The following SKIC3 variants were observed in gnomAD, a reference collection of about 807,000 sequenced individuals.
The protein encoded by SKIC3 is superkiller complex protein 3.
the SKIC3 span, among the ~76,000 whole-genome samples, chr5:95,533,810 ACT>A: frequency 1.3e-5 from 2 of 152,098 alleles, no homozygotes; most frequent in African/African-American, 4.8e-5. Context: ...TATGTGCAAA[ACT>A]CTGTAGACTA....
the SKIC3 span, chr5:95,513,607 C>T: frequency 6.2e-7 from 1 of 1,613,760 alleles, no homozygotes; most frequent in Non-Finnish European, 8.5e-7. Flanking sequence ...TGAAGAGATC[C>T]ATGGTGTCAT....
the SKIC3 span, chr5:95,536,817 C>T: frequency 6.2e-7 from 1 of 1,608,662 alleles, no homozygotes; most frequent in South Asian, 1.1e-5. Flanking sequence ...AAGAAATTAC[C>T]TGATTCAATT....
the SKIC3 span, chr5:95,494,530 C>T: frequency 1.3e-6 from 1 of 754,176 alleles, no homozygotes; most frequent in Non-Finnish European, 2.2e-6. Context: ...CACCCAAACT[C>T]CTGTTGTAGA....
chr5:95,474,859 G>A, the SKIC3 span, among the ~76,000 whole-genome samples: 25 of 152,238 alleles, frequency 1.6e-4, no homozygotes, highest in African/African-American at 4.3e-4. Flanking sequence ...GAACCACTTT[G>A]TGAGCTCTGA....
the SKIC3 span, among the ~76,000 whole-genome samples, chr5:95,515,587 C>A: frequency 6.6e-6 from 1 of 152,096 alleles, no homozygotes; most frequent in Non-Finnish European, 1.5e-5. Context: ...AATAAAACCA[C>A]ATCCATAGCT....
At chr5:95,478,325 ACAGACTT>A in the SKIC3 span, 2 of 1,614,000 alleles carry the variant, frequency 1.2e-6, no homozygotes, top group Non-Finnish European at 1.7e-6. Flanking sequence ...GCTAGTCTCA[ACAGACTT>A]GAGAGCTTCC....
At chr5:95,464,398 C>T in the SKIC3 span, 2 of 495,144 alleles carry the variant, frequency 4.0e-6, no homozygotes, top group Non-Finnish European at 7.1e-6. Flanking sequence ...TCTGGTTTTC[C>T]CAAATTAAAT....
the SKIC3 span, among the ~76,000 whole-genome samples, chr5:95,532,138 A>C: frequency 1.3e-5 from 2 of 152,148 alleles, no homozygotes; most frequent in Admixed American, 1.3e-4. Flanking sequence ...GTATTACAGG[A>C]AATATACCTG....
chr5:95,483,128 C>T, the SKIC3 span, among the ~76,000 whole-genome samples: 1 of 152,020 alleles, frequency 6.6e-6, no homozygotes, highest in Admixed American at 6.6e-5. Flanking sequence ...GAAAAATGAC[C>T]TATTTTCCCC....
chr5:95,529,060 AGAT>A, the SKIC3 span: 1 of 1,613,818 alleles, frequency 6.2e-7, no homozygotes, highest in Non-Finnish European at 8.5e-7. Flanking sequence ...GGCTTCTGCC[AGAT>A]GATACCATCC....
the SKIC3 span, among the ~76,000 whole-genome samples, chr5:95,475,145 T>G: frequency 6.6e-6 from 1 of 152,164 alleles, no homozygotes; most frequent in African/African-American, 2.4e-5. Context: ...GGGGAACCAG[T>G]AGGCTACATT....
chr5:95,525,630 C>A, the SKIC3 span: 1 of 1,614,050 alleles, frequency 6.2e-7, no homozygotes, highest in African/African-American at 1.3e-5. Context: ...ATAGGCCAAG[C>A]TTTTGAGAAC....
chr5:95,520,875 T>C, the SKIC3 span: 2 of 1,256,478 alleles, frequency 1.6e-6, no homozygotes, highest in African/African-American at 1.5e-5. Context: ...ACACTTAAAA[T>C]GAACTTCAAA....
At chr5:95,536,107 G>T in the SKIC3 span, among the ~76,000 whole-genome samples, 1 of 152,178 alleles carries the variant, frequency 6.6e-6, no homozygotes. Context: ...GACTTCCACA[G>T]CTACAGGTTA....
chr5:95,470,046 G>A, the SKIC3 span: 24 of 1,019,072 alleles, frequency 2.4e-5, 1 homozygote, highest in Middle Eastern at 3.3e-4. Flanking sequence ...GCGCGATCTC[G>A]GCTCACTTGC....
chr5:95,508,302 C>A, the SKIC3 span, among the ~76,000 whole-genome samples: 11 of 152,268 alleles, frequency 7.2e-5, no homozygotes, highest in African/African-American at 2.6e-4. Flanking sequence ...GCAACCAGGT[C>A]TTTTTACTTT....
the SKIC3 span, among the ~76,000 whole-genome samples, chr5:95,519,724 T>G: frequency 2.4e-3 from 367 of 152,156 alleles, 3 homozygotes; most frequent in African/African-American, 8.4e-3. Context: ...ATTTGGAGAT[T>G]ATAATTGTTT....
At chr5:95,513,462 G>T in the SKIC3 span, 1 of 1,202,784 alleles carries the variant, frequency 8.3e-7, no homozygotes, top group Non-Finnish European at 1.2e-6. Flanking sequence ...CAAATCACTG[G>T]GATTACAGGC....
the SKIC3 span, chr5:95,547,209 T>G: frequency 6.6e-7 from 1 of 1,508,094 alleles, no homozygotes; most frequent in East Asian, 2.3e-5. Context: ...TCGTAAATGT[T>G]CCAACAAACT....
Sources: allele counts gnomAD v4.1 joint callset (sites outside exome capture counted in the v4.1 genomes callset), GRCh38; gene constraint gnomAD v4.1.1; transcripts MANE v1.5; gene names NCBI Gene and HGNC (gene_info 2026-07-23, HGNC 2026-07-21).